ATP5F1A: variants seen among roughly 807,000 people sequenced by gnomAD.
ATP5F1A encodes the protein ATP synthase F(1) complex subunit alpha, mitochondrial.
ATP5F1A carries 24 observed loss-of-function variants against 57.4 expected under a neutral mutation model. The ratio of observed to expected loss-of-function variants is 0.42; its 90% CI spans 0.30 to 0.59. The LOEUF is 0.59. ATP5F1A is among the 20% of genes least tolerant of loss of function. ATP5F1A has a pLI of 0.19. For synonymous variants in ATP5F1A, 251 were observed against 255.5 expected (o/e 0.98, Z 0.17); for missense variants, 494 against 707.9 (o/e 0.70, Z 3.43).
upstream of ATP5F1A, among the ~76,000 whole-genome samples, chr18:46,098,723 T>C (rs947323882): frequency 5.3e-5 from 8 of 152,296 alleles, no homozygotes; most frequent in Middle Eastern, 3.4e-3. Context: ...ACCCCGGGAC[T>C]GGCCACCAGC....
rs1911131425 is a variant in ATP5F1A at position 46,098,293 on chromosome 18, A to C, written c.-62T>G. The C allele has an allele frequency of 6.5e-7, 1 of 1,537,444 alleles. No homozygotes were observed. The highest frequency in any genetic ancestry group is 8.8e-7 in the Non-Finnish European group (1 of 1,140,738). The stretch of plus-strand genomic sequence containing the variant: ...GCAGCCTCCGGACTGACTGGGACAA[A>C]ATGGCCGAGCCGCAAAGAAGGTCAA... On this transcript the variant is annotated 5_prime_UTR_variant, in exon 1 of 12. In the 5' UTR this introduces an upstream ATG that the reference lacks. Coordinates refer to ENST00000398752, the MANE Select transcript of ATP5F1A (RefSeq NM_004046.6).
At chr18:46,104,039 C>CA (rs1333875536) in intron 1 of ATP5F1A, 3 of 220,190 alleles carry the variant, frequency 1.4e-5, no homozygotes, top group African/African-American at 6.8e-5. Flanking sequence ...GGAAGAAACA[C>CA]AAACATCTTG....
rs201620172 is a variant in ATP5F1A at position 46,088,116 on chromosome 18, T to C, written c.792A>G (p.Thr264=). ...STVAQLVKRL[T]DADAMKYTIV... ...CTAAATTTCTTTTAATACCTGCATC[T>C]GTAAGTCTCTTCACCAACTGGGCAA... Residue 264 remains threonine (T), a synonymous_variant, in exon 6 of 12, where the codon ACA becomes ACG. Transcript: ENST00000398752. The C allele has an allele frequency of 1.3e-6, 2 of 1,596,088 alleles. No individual in the cohort carries two copies. The highest frequency in any genetic ancestry group is 4.5e-5 in the East Asian group (2 of 44,676).
upstream of ATP5F1A, among the ~76,000 whole-genome samples, chr18:46,100,902 G>A (rs1056372140): frequency 3.3e-5 from 5 of 152,086 alleles, no homozygotes; most frequent in African/African-American, 9.6e-5. Context: ...ATGAAACCCC[G>A]TCTCTGCTAA....
Position 46,089,712 on chromosome 18 carries a change from C to T in ATP5F1A, c.504G>A (p.Thr168=), listed in dbSNP as rs201332560. ...GGGCTTTCAGACCAACTCGCCTACG[C>T]GTCTTGGAACCAATTGGACCCTGTT... ...IDGKGPIGSK[T]RRRVGLKAPG... Residue 168 remains threonine (T), a synonymous_variant, in exon 5 of 12, where the codon ACG becomes ACA. Coordinates refer to ENST00000398752, the MANE Select transcript of ATP5F1A (RefSeq NM_004046.6). 43 of 1,614,070 alleles carry T rather than the reference C, an allele frequency of 2.7e-5. No individual in the cohort carries two copies. The highest frequency in any genetic ancestry group is 1.2e-4 in the African/African-American group (9 of 75,028).
chr18:46,100,443 T>A (rs1016714300), upstream of ATP5F1A, among the ~76,000 whole-genome samples: 2 of 151,994 alleles, frequency 1.3e-5, no homozygotes, highest in African/African-American at 4.8e-5. Flanking sequence ...AGAGGTTTTA[T>A]TTTTGTAAAA....
rs377329660 is a variant in ATP5F1A at position 46,089,927 on chromosome 18, C to G, written c.379G>C (p.Glu127Gln). The G allele has an allele frequency of 6.2e-7, 1 of 1,613,720 alleles. No homozygotes were observed. Among genetic ancestry groups the G allele is most frequent in the Non-Finnish European group, 8.5e-7 (1 of 1,179,894 alleles). ...VVFGNDKLIK[E>Q]GDIVKRTGAI... ...CCTGTCCTCTTCACTATATCTCCTTCCTTAATTAGTTTATCATTTCCAAAC... is the reference window on the plus strand; with the variant it reads ...CCTGTCCTCTTCACTATATCTCCTTGCTTAATTAGTTTATCATTTCCAAAC... The change falls in exon 4 of 12, where the codon GAA (glutamate) becomes CAA (glutamine). Residue 127 changes from glutamate (E) to glutamine (Q), a missense_variant. Glu to Gln is a conservative substitution (Grantham distance 29). Transcript: ENST00000398752.
At chr18:46,094,186 C>CACACACACACACACACATAT (rs140950200) in intron 2 of ATP5F1A, among the ~76,000 whole-genome samples, 2 of 150,982 alleles carry the variant, frequency 1.3e-5, no homozygotes, top group African/African-American at 4.9e-5. Context: ...CACACACACA[C>CACACACACACACACACATAT]ATATACACAC....
In ATP5F1A at chr18:46,088,114, T is replaced by C. The variant is rs924732032; in HGVS notation, c.794A>G (p.Asp265Gly). 1.6e-5 allele frequency: 25 copies of C among 1,593,688 alleles called. No individual in the cohort carries two copies. Among genetic ancestry groups the C allele is most frequent in the Non-Finnish European group, 2.0e-5 (23 of 1,176,128 alleles). Residue 265 changes from aspartate to glycine, a missense_variant, in exon 6 of 12, where the codon GAT becomes GGT. Physicochemically the swap from Asp to Gly is moderately conservative, Grantham distance 94. Around this residue, in one of 6 missense-constraint regions of ATP5F1A, gnomAD observed 191 missense variants for 267.7 expected, o/e 0.71. Transcript: ENST00000398752. ...TVAQLVKRLT[D>G]ADAMKYTIVV... The stretch of plus-strand genomic sequence containing the variant: ...GACTAAATTTCTTTTAATACCTGCA[T>C]CTGTAAGTCTCTTCACCAACTGGGC...
At chr18:46,086,356 C>T in intron 9 of ATP5F1A, 31 bp downstream of exon 9, 6 of 1,612,836 alleles carry the variant, frequency 3.7e-6, no homozygotes, top group Non-Finnish European at 4.2e-6. Flanking sequence ...CTAATGATAG[C>T]CCCCTTACTG....
At chr18:46,096,110 A>G (rs1395049038) in intron 1 of ATP5F1A, among the ~76,000 whole-genome samples, 1 of 152,036 alleles carries the variant, frequency 6.6e-6, no homozygotes, top group Non-Finnish European at 1.5e-5. Flanking sequence ...GTTGATCTCG[A>G]ACTCCTGACT....
upstream of ATP5F1A, among the ~76,000 whole-genome samples, chr18:46,101,145 T>C (rs1911263440): frequency 6.6e-6 from 1 of 152,188 alleles, no homozygotes; most frequent in African/African-American, 2.4e-5. Context: ...GATAATTACA[T>C]TTTTGGAGCA....
chr18:46,098,319 G>C (rs1157808024), upstream of ATP5F1A: 5 of 1,469,868 alleles, frequency 3.4e-6, no homozygotes, highest in African/African-American at 5.6e-5. Flanking sequence ...AGAAGGTCAA[G>C]ACAGCCGGCC....
chr18:46,101,583 T>G (rs984887219), upstream of ATP5F1A, among the ~76,000 whole-genome samples: 1 of 147,060 alleles, frequency 6.8e-6, no homozygotes, highest in Non-Finnish European at 1.5e-5. Context: ...TGAGACTATC[T>G]CAAAACAACA....
chr18:46,098,035 A>G (rs762094394), intron 1 of ATP5F1A, 137 bp downstream of exon 1: 4 of 1,431,972 alleles, frequency 2.8e-6, no homozygotes, highest in African/African-American at 1.4e-5. Flanking sequence ...TGCTCTGTCC[A>G]GCCGGAGAAG....
Position 46,086,381 on chromosome 18 carries a change from A to C in ATP5F1A, c.1284+6T>G. The C allele has an allele frequency of 6.2e-7, 1 of 1,614,016 alleles. No individual in the cohort carries two copies. On this transcript the variant is annotated splice_donor_region_variant and intron_variant, in intron 9 of 11. Coordinates refer to ENST00000398752, the MANE Select transcript of ATP5F1A (RefSeq NM_004046.6). ...CCCCCTTACTGCCAAAGTGATGCAA[A>C]ATTACCTGCTTCATAGCCCTGGTTT...
Position 46,084,583 on chromosome 18 carries a change from G to C in ATP5F1A, c.1501C>G (p.Pro501Ala). The change falls in exon 11 of 12, where the codon CCC (proline) becomes GCC (alanine). Residue 501 changes from proline (P) to alanine (A), a missense_variant. Pro to Ala is a conservative substitution (Grantham distance 27). Coordinates refer to ENST00000398752, the MANE Select transcript of ATP5F1A (RefSeq NM_004046.6). ...GVRGYLDKLE[P>A]SKITKFENAF... ...TTCTCAAACTTTGTAATCTTGCTGG[G>C]CTCCAGTTTATCAAGATATCCCCTT... 1 of 1,612,778 alleles carries C rather than the reference G, an allele frequency of 6.2e-7. No homozygotes were observed. Among genetic ancestry groups the C allele is most frequent in the Non-Finnish European group, 8.5e-7 (1 of 1,179,720 alleles).
intron 10 of ATP5F1A, chr18:46,085,204 T>C (rs369807760): frequency 6.7e-6 from 1 of 148,944 alleles, no homozygotes; most frequent in African/African-American, 2.5e-5. Context: ...GGTGGACCAC[T>C]TAAGGTCAGG....
rs1909764018 is a variant in ATP5F1A, at chr18:46,081,695, A to AAAAAAAAAAAAAAAC, written c.*2586_*2587insGTTTTTTTTTTTTTT. ...AAACAAAAAAAAAAAAAAAAAAAAA[A>AAAAAAAAAAAAAAAC]AACGAAATGTGCAGAACCTTCTAAC... is the stretch of plus-strand genomic sequence containing the variant. On this transcript the variant is annotated 3_prime_UTR_variant, in exon 12 of 12. Transcript: ENST00000398752. The AAAAAAAAAAAAAAAC allele has an allele frequency of 6.7e-6, 1 of 148,724 alleles. No homozygotes were observed. The highest frequency in any genetic ancestry group is 2.1e-4 in the South Asian group (1 of 4,742). The allele number at this position is 148,724 out of a possible 1,614,324, so 9.2% of individuals were successfully genotyped here. A position where few individuals can be genotyped will look rare whatever the true frequency, so the allele number is the denominator to read the frequency against.
Sources: allele counts gnomAD v4.1 joint callset (sites outside exome capture counted in the v4.1 genomes callset), GRCh38; gene constraint gnomAD v4.1.1; regional missense constraint gnomAD v4.1.1; transcripts MANE v1.5; gene names NCBI Gene and HGNC (gene_info 2026-07-23, HGNC 2026-07-21).